SLC24A4: variants seen among roughly 807,000 people sequenced by gnomAD.
SLC24A4 encodes sodium/potassium/calcium exchanger 4.
Under a neutral mutation model 79.0 loss-of-function variants are expected in SLC24A4, and 53 were observed. The observed-to-expected ratio is 0.67, with a 90% CI of 0.54 to 0.84. The LOEUF is 0.84. SLC24A4 is among the 40% of genes least tolerant of loss of function. SLC24A4 has a pLI of 0.00. For synonymous variants in SLC24A4, 323 were observed against 323.8 expected (o/e 1.00, Z 0.03); for missense variants, 731 against 822.0 (o/e 0.89, Z 1.35).
intron 12 of SLC24A4, among the ~76,000 whole-genome samples, chr14:92,466,814 C>A (rs1371676575): frequency 6.6e-6 from 1 of 152,158 alleles, no homozygotes; most frequent in Non-Finnish European, 1.5e-5. Context: ...ACTCTGAAGA[C>A]CTGCATTCGA....
intron 12 of SLC24A4, among the ~76,000 whole-genome samples, chr14:92,460,499 G>A (rs1011834709): frequency 3.3e-5 from 5 of 152,174 alleles, no homozygotes; most frequent in African/African-American, 9.7e-5. Context: ...GGCCTGGGAC[G>A]ATCTGTCATT....
intron 2 of SLC24A4, among the ~76,000 whole-genome samples, chr14:92,380,471 C>T (rs888932656): frequency 4.6e-5 from 7 of 152,200 alleles, no homozygotes; most frequent in African/African-American, 1.7e-4. Flanking sequence ...TACAAGATGG[C>T]TGCTCATCTA....
chr14:92,487,983 C>T (rs977870280), intron 14 of SLC24A4, among the ~76,000 whole-genome samples: 1 of 145,306 alleles, frequency 6.9e-6, no homozygotes, highest in Non-Finnish European at 1.5e-5. Flanking sequence ...CCTGCTCCTC[C>T]TCCTCCTCCT....
Position 92,445,322 on chromosome 14 carries a change from A to G in SLC24A4, c.663A>G (p.Ile221Met). ...CTGTTTCTTTTGCCTTACAGTTCATATATGATGAACAAATTGTGTGGTAAG... is the reference window on the plus strand; with the variant it reads ...CTGTTTCTTTTGCCTTACAGTTCATGTATGATGAACAAATTGTGTGGTAAG... ...TISVIVLIVF[I>M]YDEQIVWWEG... The change falls in exon 8 of 17, where the codon ATA becomes ATG. Residue 221 changes from isoleucine (I) to methionine (M), a missense_variant. Transcript: ENST00000532405. The G allele has an allele frequency of 1.9e-6, 3 of 1,614,126 alleles. No homozygotes were observed. The highest frequency in any genetic ancestry group is 2.5e-6 in the Non-Finnish European group (3 of 1,179,986).
At chr14:92,381,459 T>G (rs1232682477) in intron 2 of SLC24A4, among the ~76,000 whole-genome samples, 2 of 151,960 alleles carry the variant, frequency 1.3e-5, no homozygotes, top group Admixed American at 1.3e-4. Flanking sequence ...AGGGAGAGCA[T>G]TAGGACAAAT....
chr14:92,365,507 T>A (rs1319831430), intron 2 of SLC24A4, among the ~76,000 whole-genome samples: 2 of 152,202 alleles, frequency 1.3e-5, no homozygotes, highest in African/African-American at 4.8e-5. Context: ...AGCCCTTGTA[T>A]TTACAAGGAA....
At chr14:92,401,036 G>A (rs1001983693) in intron 2 of SLC24A4, among the ~76,000 whole-genome samples, 1 of 152,074 alleles carries the variant, frequency 6.6e-6, no homozygotes, top group Non-Finnish European at 1.5e-5. Context: ...GGAGAGGGGG[G>A]AATACACACA....
intron 14 of SLC24A4, 52 bp from the exon 15 acceptor site, chr14:92,491,613 A>C: frequency 8.2e-7 from 1 of 1,225,928 alleles, no homozygotes; most frequent in South Asian, 1.2e-5. Context: ...GAAAGAATAC[A>C]GGCTTCTGGT....
At chr14:92,479,745 A>G (rs1027441015) in intron 12 of SLC24A4, among the ~76,000 whole-genome samples, 6 of 152,216 alleles carry the variant, frequency 3.9e-5, no homozygotes, top group African/African-American at 1.4e-4. Flanking sequence ...AGTGCTCCCT[A>G]CTGTTCTATT....
Position 92,497,766 on chromosome 14 carries a change from G to A in SLC24A4, c.*4138G>A, listed in dbSNP as rs1895981316. 1 of 152,502 alleles carries A rather than the reference G, an allele frequency of 6.6e-6. No individual in the cohort carries two copies. The highest frequency in any genetic ancestry group is 2.1e-4 in the South Asian group (1 of 4,824). The allele number at this position is 152,502 out of a possible 1,614,324, so 9.4% of individuals were successfully genotyped here. On this transcript the variant is annotated 3_prime_UTR_variant, in exon 17 of 17. Coordinates refer to ENST00000532405, the MANE Select transcript of SLC24A4 (RefSeq NM_153646.4). ...TCCTTGGGGGAGGGGTTGGTCTTTT[G>A]TCTCGCATCCCCATCTTTCCTTTCC...
At chr14:92,386,738 T>C (rs978211227) in intron 2 of SLC24A4, among the ~76,000 whole-genome samples, 2 of 152,212 alleles carry the variant, frequency 1.3e-5, no homozygotes, top group Non-Finnish European at 2.9e-5. Context: ...CTAATCCGTG[T>C]TTAATGTGTA....
chr14:92,385,734 A>T (rs542125265), intron 2 of SLC24A4, among the ~76,000 whole-genome samples: 17 of 152,224 alleles, frequency 1.1e-4, no homozygotes, highest in Admixed American at 6.5e-4. Context: ...TATCTCCCCC[A>T]GCTGCCTGGG....
chr14:92,372,546 G>T (rs370326259), intron 2 of SLC24A4, among the ~76,000 whole-genome samples: 4 of 152,282 alleles, frequency 2.6e-5, no homozygotes. Context: ...GTATGTACTG[G>T]TGTGTTAGGG....
chr14:92,359,359 A>C (rs1887365926), intron 2 of SLC24A4, among the ~76,000 whole-genome samples: 1 of 152,162 alleles, frequency 6.6e-6, no homozygotes, highest in African/African-American at 2.4e-5. Context: ...GCGGATCATG[A>C]GGTCAGGAGT....
chr14:92,456,302 G>C (rs996196121), intron 11 of SLC24A4, 102 bp from the exon 12 acceptor site: 1 of 1,182,094 alleles, frequency 8.5e-7, no homozygotes, highest in South Asian at 1.3e-5. Context: ...TGTTGTTCTA[G>C]GCACCTGTAA....
chr14:92,467,972 A>C (rs1027128166), intron 12 of SLC24A4, among the ~76,000 whole-genome samples: 5 of 152,204 alleles, frequency 3.3e-5, no homozygotes, highest in African/African-American at 1.2e-4. Context: ...CAGATGAGAG[A>C]GGAAGCAGTA....
chr14:92,345,407 A>G (rs1886467573), intron 2 of SLC24A4, among the ~76,000 whole-genome samples: 1 of 152,242 alleles, frequency 6.6e-6, no homozygotes, highest in African/African-American at 2.4e-5. Flanking sequence ...TAACAAAAGC[A>G]TAGCACTTAC....
intron 2 of SLC24A4, among the ~76,000 whole-genome samples, chr14:92,383,892 G>T (rs565794317): frequency 1.3e-5 from 2 of 152,190 alleles, no homozygotes; most frequent in South Asian, 2.1e-4. Context: ...ATCTTCAGCG[G>T]GTCCCAAGCC....
intron 10 of SLC24A4, chr14:92,452,215 CTCCTT>C (rs1260210205): frequency 6.6e-6 from 1 of 152,254 alleles, no homozygotes; most frequent in Non-Finnish European, 1.5e-5. Flanking sequence ...TCCAGGCTCT[CTCCTT>C]CTGAGCCCAG....
Sources: gnomAD v4.1 joint callset for allele counts (sites outside exome capture counted in the v4.1 genomes callset) on GRCh38, gnomAD v4.1.1 for gene constraint, MANE v1.5 for transcripts, NCBI Gene and HGNC (gene_info 2026-07-23, HGNC 2026-07-21) for gene names.